Variants in CLEC4C observed in about 807,000 individuals in gnomAD.
CLEC4C encodes the protein C-type lectin domain family 4 member C.
Under a neutral mutation model 27.7 loss-of-function variants are expected in CLEC4C, and 17 were observed. That is an observed-to-expected ratio of 0.61 (90% CI 0.42 to 0.92). CLEC4C has a LOEUF of 0.92. Among genes scored for constraint, CLEC4C ranks in the 40% least tolerant of loss-of-function variants. The pLI is 0.00. For synonymous variants in CLEC4C, 80 were observed against 80.8 expected, an observed-to-expected ratio of 0.99 and a Z score of 0.06; for missense variants, 244 against 257.3, an observed-to-expected ratio of 0.95 and a Z score of 0.35.
At chr12:7,743,539 C>T (rs776450214) in intron 2 of CLEC4C, among the ~76,000 whole-genome samples, 14 of 150,922 alleles carry the variant, frequency 9.3e-5, no homozygotes, top group Non-Finnish European at 1.6e-4. Flanking sequence ...CGCCCGCCAC[C>T]GCGCCCGGCT....
intron 2 of CLEC4C, among the ~76,000 whole-genome samples, chr12:7,745,084 G>A (rs962872092): frequency 6.6e-6 from 1 of 152,108 alleles, no homozygotes; most frequent in African/African-American, 2.4e-5. Context: ...CCATCAAAGT[G>A]GAGTTATTGT....
At chr12:7,745,277 A>T (rs1864946675) in intron 2 of CLEC4C, among the ~76,000 whole-genome samples, 1 of 152,040 alleles carries the variant, frequency 6.6e-6, no homozygotes, top group East Asian at 1.9e-4. Context: ...TCCCTCCATC[A>T]TGTGAGGACA....
chr12:7,745,860 A>C (rs937104790), intron 2 of CLEC4C, among the ~76,000 whole-genome samples: 2 of 152,140 alleles, frequency 1.3e-5, no homozygotes, highest in Non-Finnish European at 2.9e-5. Context: ...AATTAATAAT[A>C]GTAATAACTC....
At chr12:7,743,022 A>C (rs1318191868) in intron 2 of CLEC4C, among the ~76,000 whole-genome samples, 16 of 152,042 alleles carry the variant, frequency 1.1e-4, no homozygotes, top group Non-Finnish European at 1.5e-5. Flanking sequence ...ACATACGTAT[A>C]TATCTTGATT....
chr12:7,742,004 G>C (rs1238580099), intron 2 of CLEC4C, among the ~76,000 whole-genome samples: 1 of 146,120 alleles, frequency 6.8e-6, no homozygotes, highest in Non-Finnish European at 1.5e-5. Context: ...CTGGACGACA[G>C]AGCAAGACTG....
intron 4 of CLEC4C, among the ~76,000 whole-genome samples, chr12:7,736,145 T>A (rs1184157288): frequency 6.6e-6 from 1 of 152,030 alleles, no homozygotes; most frequent in Admixed American, 6.6e-5. Context: ...TAGCTGGGTG[T>A]GGTGGCACGC....
chr12:7,743,796 G>C (rs1364222237), intron 2 of CLEC4C, among the ~76,000 whole-genome samples: 1 of 152,052 alleles, frequency 6.6e-6, no homozygotes, highest in Non-Finnish European at 1.5e-5. Flanking sequence ...TAACCATCTT[G>C]TATTAGTCCG....
intron 4 of CLEC4C, among the ~76,000 whole-genome samples, chr12:7,733,498 T>C (rs1864646757): frequency 6.7e-6 from 1 of 149,784 alleles, no homozygotes. Context: ...TTTTTTTTTT[T>C]TGAGACTGAG....
chr12:7,745,424 CTTTTTTTTTTT>C (rs140956970), intron 2 of CLEC4C, among the ~76,000 whole-genome samples: 1 of 48,194 alleles, frequency 2.1e-5, no homozygotes, highest in South Asian at 1.4e-3. Flanking sequence ...TCAGTCTATG[CTTTTTTTTTTT>C]TTTTTTTTTT....
Position 7,730,813 on chromosome 12 carries a change from A to T in CLEC4C, c.481T>A (p.Tyr161Asn). The change falls in exon 5 of 6, where the codon TAC becomes AAC. Residue 161 changes from tyrosine (Y) to asparagine (N), a missense_variant. Coordinates refer to ENST00000360345, the MANE Select transcript of CLEC4C (RefSeq NM_001371390.1). ...RHWQWVDQTPYNENVTFWHSG... is the reference protein window; with the variant it reads ...RHWQWVDQTPNNENVTFWHSG... ...TATACTCACGTGACATTTTCATTGT[A>T]TGGTGTCTGGTCAACCCATTGCCAA... is the stretch of plus-strand genomic sequence containing the variant. 6.3e-7 allele frequency: 1 copy of T among 1,588,950 alleles called. No individual in the cohort carries two copies. The highest frequency in any genetic ancestry group is 8.6e-7 in the Non-Finnish European group (1 of 1,157,342).
intron 4 of CLEC4C, among the ~76,000 whole-genome samples, chr12:7,733,481 C>CTTTTT (rs762051121): frequency 8.3e-6 from 1 of 119,826 alleles, no homozygotes; most frequent in Non-Finnish European, 1.7e-5. Context: ...CCAAGCTGGT[C>CTTTTT]TTTTTTTTTT....
At chr12:7,744,689 A>T (rs1017891096) in intron 2 of CLEC4C, among the ~76,000 whole-genome samples, 2 of 152,060 alleles carry the variant, frequency 1.3e-5, no homozygotes, top group African/African-American at 4.8e-5. Flanking sequence ...ATTATGGCTC[A>T]CTGCAGCCTC....
chr12:7,741,851 T>C (rs1864863517), intron 2 of CLEC4C, among the ~76,000 whole-genome samples: 2 of 151,980 alleles, frequency 1.3e-5, no homozygotes, highest in Admixed American at 1.3e-4. Context: ...TGAAACCCCG[T>C]CTCTACTAAA....
At chr12:7,735,320 T>C (rs1405229635) in intron 4 of CLEC4C, among the ~76,000 whole-genome samples, 1 of 151,436 alleles carries the variant, frequency 6.6e-6, no homozygotes, top group Non-Finnish European at 1.5e-5. Context: ...CTGGCCAACA[T>C]GGTAAAACCT....
At chr12:7,732,344 T>G (rs1473286926) in intron 4 of CLEC4C, among the ~76,000 whole-genome samples, 3 of 141,694 alleles carry the variant, frequency 2.1e-5, no homozygotes, top group Admixed American at 1.4e-4. Context: ...GTCACTTTAT[T>G]TTTTTATTTT....
chr12:7,737,561 G>A lies in CLEC4C; in HGVS notation c.249C>T (p.Cys83=), dbSNP rs1325275007. Residue 83 remains cysteine (C), a synonymous_variant, in exon 4 of 6, where the codon TGC becomes TGT. Transcript: ENST00000360345. ...ACTGAAATGAAGTCCAAGGGGTTGG[G>A]CAGCAGCTCCAATCTTCCCAAATGA... ...EGKDIEDWSC[C]PTPWTSFQSS... is the part of the protein sequence containing the mutation. 9 of 1,613,114 alleles carry A rather than the reference G, an allele frequency of 5.6e-6. No homozygotes were observed. The East Asian group carries it at 1.6e-4, about 28-fold the overall frequency.
At chr12:7,745,015 T>C (rs189659445) in intron 2 of CLEC4C, among the ~76,000 whole-genome samples, 13 of 152,174 alleles carry the variant, frequency 8.5e-5, no homozygotes, top group Admixed American at 5.9e-4. Flanking sequence ...ATGTTCCCAA[T>C]AGAGACTTTT....
chr12:7,744,133 AC>A (rs1864921722), intron 2 of CLEC4C, among the ~76,000 whole-genome samples: 2 of 152,102 alleles, frequency 1.3e-5, no homozygotes, highest in Admixed American at 1.3e-4. Flanking sequence ...GCCATGCCCC[AC>A]CTCCAACAGT....
At position 7,742,653 on chromosome 12, in the gene CLEC4C, A is replaced by T. The variant is rs773090899; in HGVS notation, c.125-1122T>A. The stretch of plus-strand genomic sequence containing the variant: ...GTGAAACCCCATCTCTACTAAAAAT[A>T]CAAAAATTAGCCAGGCGTGGTGACA... On this transcript the variant is annotated intron_variant, in intron 2 of 5. Transcript: ENST00000360345. Among the ~76,000 whole-genome samples the T allele has an allele frequency of 5.3e-5, 8 of 151,882 alleles. 1 individual carries two copies. Among genetic ancestry groups the T allele is most frequent in the Non-Finnish European group, 1.2e-4 (8 of 67,964 alleles).
Sources: allele counts gnomAD v4.1 joint callset (sites outside exome capture counted in the v4.1 genomes callset), GRCh38; gene constraint gnomAD v4.1.1; transcripts MANE v1.5; gene names NCBI Gene and HGNC (gene_info 2026-07-23, HGNC 2026-07-21).